Variants in PTPRD observed in about 807,000 individuals in gnomAD.
PTPRD encodes the protein receptor-type tyrosine-protein phosphatase delta.
In PTPRD, 34 loss-of-function variants were observed where a neutral mutation model predicts 214.5. The ratio of observed to expected loss-of-function variants is 0.16; its 90% CI spans 0.12 to 0.21. The LOEUF (loss-of-function observed/expected upper bound fraction) is 0.21. Ranked by LOEUF, PTPRD falls within the 10% of genes least tolerant of loss-of-function variation. PTPRD has a pLI of 1.00. For synonymous variants in PTPRD, 1,128 were observed against 845.7 expected (o/e 1.33, Z -5.79); for missense variants, 2,545 against 2,398.7 (o/e 1.06, Z -1.27).
chr9:9,726,964 A>G lies in PTPRD; in HGVS notation c.-287+7569T>C, dbSNP rs868460755. On this transcript the variant is annotated intron_variant, in intron 7 of 45. Transcript: ENST00000381196. ...TATGTACAATAACAAACAGAGAATA[A>G]TAAGCAGAGAGCTTTTGAAATTAGG... 4.6e-5 allele frequency among the ~76,000 whole-genome samples: 7 copies of G among 152,302 alleles called. No homozygotes were observed. The Middle Eastern group carries it at 0.014, about 296-fold the overall frequency.
At chr9:10,263,133 A>C (rs1023546024) in intron 3 of PTPRD, among the ~76,000 whole-genome samples, 2 of 152,110 alleles carry the variant, frequency 1.3e-5, no homozygotes, top group Non-Finnish European at 2.9e-5. Flanking sequence ...TTTCTTTATA[A>C]ATTACTCAGT....
At chr9:8,902,131 A>ATATTAT (rs3046917) in intron 11 of PTPRD, among the ~76,000 whole-genome samples, 37,591 of 151,694 alleles carry the variant, frequency 0.25, 6,736 homozygotes, top group African/African-American at 0.5. Context: ...ACATATTGAC[A>ATATTAT]TAATATTAAT....
At chr9:8,439,555 T>A (rs1290831527) in intron 34 of PTPRD, among the ~76,000 whole-genome samples, 1 of 152,220 alleles carries the variant, frequency 6.6e-6, no homozygotes, top group Non-Finnish European at 1.5e-5. Context: ...CCAAAATGTA[T>A]ACACAGTCTA....
chr9:8,345,638 T>C (rs1036700437), intron 39 of PTPRD, among the ~76,000 whole-genome samples: 1 of 151,914 alleles, frequency 6.6e-6, no homozygotes, highest in African/African-American at 2.4e-5. Context: ...CCAAAACAGG[T>C]AGTACACGAA....
At chr9:10,557,755 C>T (rs980186609) in intron 2 of PTPRD, among the ~76,000 whole-genome samples, 4 of 152,102 alleles carry the variant, frequency 2.6e-5, no homozygotes, top group Admixed American at 2.6e-4. Flanking sequence ...GATAACTCCT[C>T]GGGAAGGGCT....
intron 5 of PTPRD, among the ~76,000 whole-genome samples, chr9:9,820,435 G>A (rs924863898): frequency 1.3e-5 from 2 of 151,984 alleles, no homozygotes; most frequent in East Asian, 3.9e-4. Flanking sequence ...TTTGTATGTT[G>A]TCTGTTTACT....
intron 2 of PTPRD, among the ~76,000 whole-genome samples, chr9:10,601,522 A>G (rs1472963095): frequency 6.6e-6 from 1 of 151,806 alleles, no homozygotes; most frequent in African/African-American, 2.4e-5. Flanking sequence ...TATATCTTGT[A>G]CTATATATAC....
chr9:9,614,662 G>T (rs56356574), intron 7 of PTPRD, among the ~76,000 whole-genome samples: 3,339 of 152,126 alleles, frequency 0.022, 113 homozygotes, highest in African/African-American at 0.076. Flanking sequence ...AAATTATTTT[G>T]CAGTATATGC....
At chr9:8,732,162 T>C (rs866461106) in intron 12 of PTPRD, among the ~76,000 whole-genome samples, 1 of 152,208 alleles carries the variant, frequency 6.6e-6, no homozygotes, top group African/African-American at 2.4e-5. Context: ...CAAACACAAT[T>C]TTAAAAGTCT....
intron 7 of PTPRD, among the ~76,000 whole-genome samples, chr9:9,596,606 T>C (rs1452597600): frequency 1.3e-5 from 2 of 151,994 alleles, no homozygotes; most frequent in Admixed American, 1.3e-4. Flanking sequence ...CTAGTCTCCT[T>C]TCAAATGATA....
intron 7 of PTPRD, among the ~76,000 whole-genome samples, chr9:9,716,306 A>G (rs979662591): frequency 2.6e-5 from 4 of 151,864 alleles, no homozygotes; most frequent in African/African-American, 7.3e-5. Context: ...TAGTGCTGTA[A>G]TAAACATACG....
intron 9 of PTPRD, among the ~76,000 whole-genome samples, chr9:9,378,410 A>G (rs1452867360): frequency 1.3e-5 from 2 of 152,124 alleles, no homozygotes; most frequent in Non-Finnish European, 2.9e-5. Context: ...ACCACAGTTT[A>G]TCCATTCACC....
chr9:9,170,405 T>C (rs765903299), intron 10 of PTPRD, among the ~76,000 whole-genome samples: 3 of 152,222 alleles, frequency 2.0e-5, no homozygotes, highest in Non-Finnish European at 4.4e-5. Flanking sequence ...GGTTTGATTT[T>C]AGGGAAAAAG....
intron 11 of PTPRD, among the ~76,000 whole-genome samples, chr9:8,866,479 CCTTAATAA>C (rs1555453371): frequency 2.6e-5 from 4 of 152,096 alleles, no homozygotes; most frequent in Non-Finnish European, 5.9e-5. Context: ...GCCCAATTAA[CCTTAATAA>C]AACACAAGTT....
chr9:9,278,679 C>T (rs1279586325), intron 9 of PTPRD, among the ~76,000 whole-genome samples: 1 of 151,236 alleles, frequency 6.6e-6, no homozygotes, highest in African/African-American at 2.4e-5. Flanking sequence ...TATGAAAAGT[C>T]CCAGACATTT....
chr9:9,695,574 C>T (rs760341410), intron 7 of PTPRD, among the ~76,000 whole-genome samples: 5 of 152,054 alleles, frequency 3.3e-5, no homozygotes, highest in Non-Finnish European at 7.4e-5. Flanking sequence ...GAGGTATGTT[C>T]CTTTTATACC....
intron 11 of PTPRD, among the ~76,000 whole-genome samples, chr9:8,986,162 G>C (rs10511518): frequency 0.15 from 22,547 of 151,948 alleles, 1,896 homozygotes; most frequent in East Asian, 0.37. Context: ...TATAGCATGA[G>C]TTGGGTGCAG....
At chr9:8,790,157 C>G (rs1256512685) in intron 11 of PTPRD, among the ~76,000 whole-genome samples, 1 of 151,968 alleles carries the variant, frequency 6.6e-6, no homozygotes, top group African/African-American at 2.4e-5. Context: ...GCTGGGACTA[C>G]AGGCACGCAT....
At chr9:10,206,919 T>C (rs1364615499) in intron 3 of PTPRD, among the ~76,000 whole-genome samples, 1 of 152,132 alleles carries the variant, frequency 6.6e-6, no homozygotes, top group African/African-American at 2.4e-5. Context: ...ATCATCACAA[T>C]GTAAAAATTA....
Sources: gnomAD v4.1 joint callset for allele counts (sites outside exome capture counted in the v4.1 genomes callset) on GRCh38, gnomAD v4.1.1 for gene constraint, MANE v1.5 for transcripts, NCBI Gene and HGNC (gene_info 2026-07-23, HGNC 2026-07-21) for gene names.